The following ENPP5 variants were observed in gnomAD, a reference collection of about 807,000 sequenced individuals.
ENPP5 encodes the protein E-NPP 5.
ENPP5 carries 27 observed loss-of-function variants against 33.7 expected under a neutral mutation model. The observed-to-expected ratio is 0.80, with a 90% confidence interval of 0.59 to 1.11. ENPP5 has a LOEUF of 1.11. Among genes scored for constraint, ENPP5 ranks in the 50% least tolerant of loss-of-function variants. The probability of loss-of-function intolerance (pLI) is 0.00; values close to 1 mark genes in which losing one functional copy is unlikely to be tolerated. For missense variants in ENPP5, 552 were observed against 579.2 expected, an observed-to-expected ratio of 0.95 and a Z score of 0.48; for synonymous variants, 199 against 200.5, an observed-to-expected ratio of 0.99 and a Z score of 0.06.
rs190541465 is a variant in ENPP5, at chr6:46,161,736, C to T, written c.1024G>A (p.Asp342Asn). Residue 342 changes from aspartate to asparagine, a missense_variant, in exon 5 of 5, where the codon GAT (aspartate) becomes AAT (asparagine). Coordinates refer to ENST00000371383, the MANE Select transcript of ENPP5 (RefSeq NM_001290072.2). The stretch of plus-strand genomic sequence containing the variant: ...GGATGCATATCTGCTAACGCATTAT[C>T]GTAACCGTGGTTGCCTACTGTAAAG... Reference protein sequence around the residue: ...DDFLLGNHGYDNALADMHPIF... With the variant: ...DDFLLGNHGYNNALADMHPIF... 82 of 1,609,740 alleles carry T rather than the reference C, an allele frequency of 5.1e-5. No individual in the cohort carries two copies. The highest frequency in any genetic ancestry group is 1.1e-4 in the African/African-American group (8 of 75,014).
chr6:46,165,608 C>A (rs1764522851), intron 3 of ENPP5, 45 bp from the exon 4 acceptor site: 3 of 1,390,268 alleles, frequency 2.2e-6, no homozygotes, highest in African/African-American at 1.5e-5. Flanking sequence ...ATACTCATAG[C>A]TACCATCAGC....
chr6:46,168,067 T>C lies in ENPP5; in HGVS notation c.196A>G (p.Asn66Asp). The C allele has an allele frequency of 6.2e-7, 1 of 1,614,018 alleles. No individual in the cohort carries two copies. The highest frequency in any genetic ancestry group is 8.5e-7 in the Non-Finnish European group (1 of 1,179,920). ...KYGVHVKQVTNVFITKTYPNH... is the reference protein window; with the variant it reads ...KYGVHVKQVTDVFITKTYPNH... ...GGGTAGGTTTTTGTAATAAAAACAT[T>C]AGTAACTTGCTTCACGTGAACACCA... is the stretch of plus-strand genomic sequence containing the variant. Residue 66 changes from asparagine (N) to aspartate (D), a missense_variant, in exon 3 of 5, where the codon AAT (asparagine) becomes GAT (aspartate). Transcript: ENST00000371383.
Position 46,161,369 on chromosome 6 carries a change from T to C in ENPP5, c.1391A>G (p.Gln464Arg). 6.2e-7 allele frequency: 1 copy of C among 1,613,746 alleles called. No individual in the cohort carries two copies. The highest frequency in any genetic ancestry group is 1.3e-5 in the African/African-American group (1 of 75,036). The change falls in exon 5 of 5, where the codon CAA becomes CGA. Residue 464 changes from glutamine (Q) to arginine (R), a missense_variant. Coordinates refer to ENST00000371383, the MANE Select transcript of ENPP5 (RefSeq NM_001290072.2). ...TTGAGCTATTTCAGCATGCATATCTTGTAAGGCAGGTATTTGACTGTGAAT... is the reference window on the plus strand; with the variant it reads ...TTGAGCTATTTCAGCATGCATATCTCGTAAGGCAGGTATTTGACTGTGAAT... The part of the protein sequence containing the change: ...HLIHSQIPAL[Q>R]DMHAEIAQPL...
In ENPP5 at chr6:46,159,304, C is replaced by T. The variant is rs1222935128; in HGVS notation, c.*2022G>A. On this transcript the variant is annotated 3_prime_UTR_variant, in exon 5 of 5. Coordinates refer to ENST00000371383, the MANE Select transcript of ENPP5 (RefSeq NM_001290072.2). ...AAATATTTATATATGAATTTACTTT[C>T]TTACTACTAATGTAATAGCACCTTC... 6.6e-6 allele frequency: 1 copy of T among 152,156 alleles called. No homozygotes were observed. Among genetic ancestry groups the T allele is most frequent in the East Asian group, 1.9e-4 (1 of 5,198 alleles). The allele number at this position is 152,156 out of a possible 1,614,324, so 9.4% of individuals were successfully genotyped here. A position where few individuals can be genotyped will look rare whatever the true frequency, so the allele number is the denominator to read the frequency against.
Position 46,167,416 on chromosome 6 carries a change from T to C in ENPP5, c.829+18A>G. 6.6e-7 allele frequency: 1 copy of C among 1,509,648 alleles called. No homozygotes were observed. Among genetic ancestry groups the C allele is most frequent in the Non-Finnish European group, 9.2e-7 (1 of 1,089,968 alleles). The allele number at this position is 1,509,648 out of a possible 1,614,324, so 93.5% of individuals were successfully genotyped here. On this transcript the variant is annotated intron_variant, in intron 3 of 4. Transcript: ENST00000371383. ...TGCACATCTAGTCTCAGCTCACCAT[T>C]CATTCAGTCAGCCTTACCTTCTTTT...
chr6:46,161,433 T>C lies in ENPP5; in HGVS notation c.1327A>G (p.Ile443Val), dbSNP rs751861066. 3 of 1,613,868 alleles carry C rather than the reference T, an allele frequency of 1.9e-6. No homozygotes were observed. In the South Asian group the frequency reaches 3.3e-5, roughly 18 times the overall value. ...AAAATTACAAAAAATACAATCACTA[T>C]AATGCTGCCAAGAGAGACCCCTATG... is the stretch of plus-strand genomic sequence containing the variant. ...YFIGVSLGSIIVIVFFVIFIK... is the reference protein window; with the variant it reads ...YFIGVSLGSIVVIVFFVIFIK... Residue 443 changes from isoleucine to valine, a missense_variant, in exon 5 of 5, where the codon ATA becomes GTA. Ile to Val is a conservative substitution (Grantham distance 29). Transcript: ENST00000371383.
rs777632652 is a variant in ENPP5 at position 46,161,756 on chromosome 6, G to A, written c.1007-3C>T. 7 of 1,601,088 alleles carry A rather than the reference G, an allele frequency of 4.4e-6. No individual in the cohort carries two copies. The highest frequency in any genetic ancestry group is 6.0e-6 in the Non-Finnish European group (7 of 1,175,996). ...ATTATCGTAACCGTGGTTGCCTACT[G>A]TAAAGAGAAAATATGTGAAAAAGTT... On this transcript the variant is annotated splice_polypyrimidine_tract_variant and splice_region_variant and intron_variant, in intron 4 of 4. Coordinates refer to ENST00000371383, the MANE Select transcript of ENPP5 (RefSeq NM_001290072.2).
chr6:46,168,363 G>T, intron 2 of ENPP5, 66 bp from the exon 3 acceptor site: 1 of 659,662 alleles, frequency 1.5e-6, no homozygotes. Context: ...CCCAAACTCA[G>T]AGTAACAGTG....
chr6:46,162,631 C>T (rs1053273417), intron 4 of ENPP5, among the ~76,000 whole-genome samples: 1 of 152,100 alleles, frequency 6.6e-6, no homozygotes, highest in South Asian at 2.1e-4. Context: ...GCAATAGGAA[C>T]GCTCCCTGCC....
At position 46,160,865 on chromosome 6, in the gene ENPP5, C is replaced by T; in HGVS notation, c.*461G>A. 6.4e-6 allele frequency: 1 copy of T among 155,546 alleles called. No homozygotes were observed. The highest frequency in any genetic ancestry group is 1.4e-5 in the Non-Finnish European group (1 of 69,666). 9.6% of individuals were successfully genotyped at this position (155,546 alleles called of 1,614,324 possible). A position where few individuals can be genotyped will look rare whatever the true frequency, so the allele number is the denominator to read the frequency against. On this transcript the variant is annotated 3_prime_UTR_variant, in exon 5 of 5. Coordinates refer to ENST00000371383, the MANE Select transcript of ENPP5 (RefSeq NM_001290072.2). ...ATTATTCGGGATTATTAGAAATTTCCTTCAGTTTGAACAATGCGTAACAAG... is the reference window on the plus strand; with the variant it reads ...ATTATTCGGGATTATTAGAAATTTCTTTCAGTTTGAACAATGCGTAACAAG...
chr6:46,165,635 G>C, intron 3 of ENPP5, 72 bp from the exon 4 acceptor site: 1 of 1,191,634 alleles, frequency 8.4e-7, no homozygotes, highest in Admixed American at 2.9e-5. Context: ...CAACAGACTT[G>C]CTACGGAGGT....
chr6:46,163,795 C>T lies in ENPP5; in HGVS notation c.1006+1592G>A, dbSNP rs550424999. 5.3e-5 allele frequency among the ~76,000 whole-genome samples: 8 copies of T among 152,224 alleles called. No individual in the cohort carries two copies. The East Asian group carries it at 1.5e-3, about 29-fold the overall frequency. ...TTCTCTGATGGCCAGTGATGATGAGCATTTTTTCATGTGTTTTTTTGACAA... is the reference window on the plus strand; with the variant it reads ...TTCTCTGATGGCCAGTGATGATGAGTATTTTTTCATGTGTTTTTTTGACAA... On this transcript the variant is annotated intron_variant, in intron 4 of 4. Transcript: ENST00000371383.
intron 2 of ENPP5, among the ~76,000 whole-genome samples, chr6:46,169,241 C>T (rs1225241608): frequency 3.3e-5 from 5 of 152,152 alleles, no homozygotes; most frequent in African/African-American, 9.7e-5. Context: ...TTTCATCAGG[C>T]GTGCACATCC....
In ENPP5 at chr6:46,159,393, ATGGACCAAT is replaced by A. The variant is rs1581963722; in HGVS notation, c.*1924_*1932del. ...GATAGCATAATAGTAATGCTCTAAA[ATGGACCAAT>A]TTCACCTTCCAGTCATTATGCTGAC... is the stretch of plus-strand genomic sequence containing the variant. On this transcript the variant is annotated 3_prime_UTR_variant, in exon 5 of 5. Coordinates refer to ENST00000371383, the MANE Select transcript of ENPP5 (RefSeq NM_001290072.2). 2 of 152,174 alleles carry A rather than the reference ATGGACCAAT, an allele frequency of 1.3e-5. No homozygotes were observed. The highest frequency in any genetic ancestry group is 4.8e-5 in the African/African-American group (2 of 41,448). The allele number at this position is 152,174 out of a possible 1,614,324, so 9.4% of individuals were successfully genotyped here. A position where few individuals can be genotyped will look rare whatever the true frequency, so the allele number is the denominator to read the frequency against.
At chr6:46,167,385 G>T in intron 3 of ENPP5, 49 bp downstream of exon 3, 1 of 1,223,902 alleles carries the variant, frequency 8.2e-7, no homozygotes, top group Non-Finnish European at 1.2e-6. Flanking sequence ...GATCACACTG[G>T]GCAAATGCAC....
chr6:46,165,731 T>C (rs533694910), intron 3 of ENPP5, among the ~76,000 whole-genome samples, 168 bp from the exon 4 acceptor site: 1 of 152,312 alleles, frequency 6.6e-6, no homozygotes, highest in Admixed American at 6.5e-5. Flanking sequence ...GAAATAATCT[T>C]CTGTTGTAAG....
In ENPP5 at chr6:46,168,231, A is replaced by G; in HGVS notation, c.32T>C (p.Ile11Thr). The part of the protein sequence containing the change: MTSKFLLVSF[I>T]LAALSLSTTF... ...GGTTGAAAGACTCAGTGCAGCAAGTATGAAGGACACCAAGAGAAATTTCGA... is the reference window on the plus strand; with the variant it reads ...GGTTGAAAGACTCAGTGCAGCAAGTGTGAAGGACACCAAGAGAAATTTCGA... Residue 11 changes from isoleucine (I) to threonine (T), a missense_variant, in exon 3 of 5, where the codon ATA becomes ACA. By Grantham distance (89) the Ile-to-Thr change is moderately conservative. Transcript: ENST00000371383. The G allele has an allele frequency of 6.3e-7, 1 of 1,598,530 alleles. No individual in the cohort carries two copies. Among genetic ancestry groups the G allele is most frequent in the Non-Finnish European group, 8.5e-7 (1 of 1,170,666 alleles).
At chr6:46,165,238 T>C in intron 4 of ENPP5, 149 bp downstream of exon 4, 1 of 584,420 alleles carries the variant, frequency 1.7e-6, no homozygotes, top group East Asian at 3.2e-5. Context: ...AAAGCATTTT[T>C]AGATAAGTAC....
At chr6:46,168,370 A>G in intron 2 of ENPP5, 73 bp from the exon 3 acceptor site, 1 of 620,272 alleles carries the variant, frequency 1.6e-6, no homozygotes. Context: ...TCAGAGTAAC[A>G]GTGCTTAGCA....
Sources: gnomAD v4.1 joint callset for allele counts (sites outside exome capture counted in the v4.1 genomes callset) on GRCh38, gnomAD v4.1.1 for gene constraint, MANE v1.5 for transcripts, NCBI Gene and HGNC (gene_info 2026-07-23, HGNC 2026-07-21) for gene names.